PTPRN: variants seen among roughly 807,000 people sequenced by gnomAD.
The protein encoded by PTPRN is protein tyrosine phosphatase receptor type N.
Under a neutral mutation model 108.5 loss-of-function variants are expected in PTPRN, and 70 were observed. The ratio of observed to expected loss-of-function variants is 0.65; its 90% confidence interval spans 0.53 to 0.79. The LOEUF is 0.79. Among genes scored for constraint, PTPRN ranks in the 30% least tolerant of loss-of-function variants. PTPRN has a pLI of 0.00. For missense variants in PTPRN, 1,136 were observed against 1,295.5 expected, an observed-to-expected ratio of 0.88 and a Z score of 1.89; for synonymous variants, 496 against 524.6, an observed-to-expected ratio of 0.95 and a Z score of 0.75.
Position 219,291,557 on chromosome 2 carries a change from C to T in PTPRN, c.2676-34G>A, listed in dbSNP as rs570720251. ...AGAAATGGGTGTGAGGGCCAGTGGG[C>T]ACCAGCAGAGAGGGAAAGGGAAGCT... On this transcript the variant is annotated intron_variant, in intron 19 of 22. Coordinates refer to ENST00000295718, the MANE Select transcript of PTPRN (RefSeq NM_002846.4). 6 of 1,604,280 alleles carry T rather than the reference C, an allele frequency of 3.7e-6. No individual in the cohort carries two copies. In the South Asian group the frequency reaches 5.5e-5, roughly 15 times the overall value.
chr2:219,299,184 A>C (rs996835896), intron 11 of PTPRN, 73 bp from the exon 12 acceptor site: 1 of 1,605,838 alleles, frequency 6.2e-7, no homozygotes, highest in Non-Finnish European at 8.5e-7. Context: ...TCTGCCAAGC[A>C]GCAGGCAGGG....
In PTPRN at chr2:219,307,572, G is replaced by T; in HGVS notation, c.167-15C>A. On this transcript the variant is annotated splice_polypyrimidine_tract_variant and intron_variant, in intron 2 of 22. Transcript: ENST00000295718. The stretch of plus-strand genomic sequence containing the variant: ...AAACAAGCCATCTAAGGGCACAAAA[G>T]TGGTGTCAGCAGGGGGCTTGAATAA... 1 of 1,611,360 alleles carries T rather than the reference G, an allele frequency of 6.2e-7. No individual in the cohort carries two copies. Among genetic ancestry groups the T allele is most frequent in the South Asian group, 1.1e-5 (1 of 90,892 alleles).
chr2:219,295,396 G>GC, intron 18 of PTPRN: 1 of 489,416 alleles, frequency 2.0e-6, no homozygotes, highest in Non-Finnish European at 3.6e-6. Flanking sequence ...CCTCTTCCTC[G>GC]CAGGGTCTAC....
chr2:219,290,306 GGGCAGT>G lies in PTPRN; in HGVS notation c.2869-15_2869-10del, dbSNP rs1952024284. 6.2e-7 allele frequency: 1 copy of G among 1,613,238 alleles called. No individual in the cohort carries two copies. Among genetic ancestry groups the G allele is most frequent in the Non-Finnish European group, 8.5e-7 (1 of 1,179,522 alleles). ...GCAAATTCAAACTGGTCCTGAGGAA[GGGCAGT>G]GGTAGGATGGTCATGGAGAGGGCTG... On this transcript the variant is annotated splice_polypyrimidine_tract_variant and intron_variant, in intron 22 of 22. Coordinates refer to ENST00000295718, the MANE Select transcript of PTPRN (RefSeq NM_002846.4). The surrounding 1 kb of genome is among the most constrained non-coding windows in gnomAD (Gnocchi z 4.2).
At chr2:219,308,533 G>A (rs917080420) in intron 1 of PTPRN, among the ~76,000 whole-genome samples, 5 of 152,144 alleles carry the variant, frequency 3.3e-5, no homozygotes, top group African/African-American at 1.2e-4. Flanking sequence ...GCGAGGCTGC[G>A]CCCCTTCCCC....
intron 12 of PTPRN, among the ~76,000 whole-genome samples, chr2:219,298,474 G>A (rs780046379): frequency 6.6e-6 from 1 of 152,144 alleles, no homozygotes; most frequent in Non-Finnish European, 1.5e-5. Flanking sequence ...GGGGCCAAAG[G>A]TTGGCGGATC....
At position 219,291,455 on chromosome 2, in the gene PTPRN, C is replaced by G; in HGVS notation, c.2729+15G>C. 2 of 1,613,012 alleles carry G rather than the reference C, an allele frequency of 1.2e-6. No individual in the cohort carries two copies. Among genetic ancestry groups the G allele is most frequent in the Non-Finnish European group, 1.7e-6 (2 of 1,179,024 alleles). ...AGGGAGTGGGACCAGAGAGATGAAT[C>G]TCCTCTCCACCCACCTGCAGTGCAC... On this transcript the variant is annotated intron_variant, in intron 20 of 22. Coordinates refer to ENST00000295718, the MANE Select transcript of PTPRN (RefSeq NM_002846.4).
At position 219,302,758 on chromosome 2, in the gene PTPRN, C is replaced by A; in HGVS notation, c.457G>T (p.Ala153Ser). 6 of 1,613,712 alleles carry A rather than the reference C, an allele frequency of 3.7e-6. No individual in the cohort carries two copies. Among genetic ancestry groups the A allele is most frequent in the Admixed American group, 1.7e-5 (1 of 59,912 alleles). The change falls in exon 5 of 23, where the codon GCC becomes TCC. Residue 153 changes from alanine (A) to serine (S), a missense_variant. Transcript: ENST00000295718. ...GGTGGTTGTGGAAGCCGATGCTGGGCAGCAGGGGCGGAGCCAGTGGGGATG... is the reference window on the plus strand; with the variant it reads ...GGTGGTTGTGGAAGCCGATGCTGGGAAGCAGGGGCGGAGCCAGTGGGGATG... ...QDIPTGSAPA[A>S]QHRLPQPPVG...
chr2:219,307,679 C>T (rs1559306688), intron 2 of PTPRN, 113 bp downstream of exon 2: 10 of 1,481,562 alleles, frequency 6.7e-6, no homozygotes, highest in Non-Finnish European at 9.4e-6. Flanking sequence ...GGCAAGTCTT[C>T]CTTCTTCTCA....
chr2:219,304,370 T>G (rs1280509143), intron 3 of PTPRN, among the ~76,000 whole-genome samples: 1 of 152,146 alleles, frequency 6.6e-6, no homozygotes, highest in Non-Finnish European at 1.5e-5. Flanking sequence ...TAGAAAACTC[T>G]AAAGCATAAT....
rs201131601 is a variant in PTPRN at position 219,302,767 on chromosome 2, C to T, written c.448G>A (p.Ala150Thr). ...GGAAGCCGATGCTGGGCAGCAGGGG[C>T]GGAGCCAGTGGGGATGTCCTGTAAA... ...LLLQDIPTGS[A>T]PAAQHRLPQP... Residue 150 changes from alanine to threonine, a missense_variant, in exon 5 of 23, where the codon GCC (alanine) becomes ACC (threonine). Ala to Thr is a moderately conservative substitution (Grantham distance 58). Transcript: ENST00000295718. 3.3e-5 allele frequency: 53 copies of T among 1,613,720 alleles called. No homozygotes were observed. The highest frequency in any genetic ancestry group is 1.2e-4 in the Admixed American group (7 of 59,916).
chr2:219,299,584 A>G, intron 10 of PTPRN, 116 bp downstream of exon 10: 1 of 1,192,192 alleles, frequency 8.4e-7, no homozygotes, highest in Non-Finnish European at 1.2e-6. Flanking sequence ...TACAGCTGGG[A>G]GCATCCCTGA....
intron 19 of PTPRN, chr2:219,292,735 A>G (rs1172806698): frequency 6.6e-6 from 1 of 152,154 alleles, no homozygotes; most frequent in African/African-American, 2.4e-5. Flanking sequence ...TGGGCCATGG[A>G]CCAGTGTCAG....
intron 3 of PTPRN, among the ~76,000 whole-genome samples, chr2:219,305,751 C>T (rs936958756): frequency 6.6e-6 from 1 of 152,184 alleles, no homozygotes; most frequent in East Asian, 1.9e-4. Flanking sequence ...ACATCTTAAA[C>T]TCAACATATT....
rs1388282584 is a variant in PTPRN, at chr2:219,290,777, C to G, written c.2794+49G>C. 6 of 1,582,148 alleles carry G rather than the reference C, an allele frequency of 3.8e-6. No homozygotes were observed. The highest frequency in any genetic ancestry group is 1.1e-5 in the South Asian group (1 of 90,330). The stretch of plus-strand genomic sequence containing the variant: ...TCCCAGGACCCTGTGTGCTGGGGAG[C>G]CTCTAAAAAGGGCCTGGGGGCTGCG... On this transcript the variant is annotated intron_variant, in intron 21 of 22. Transcript: ENST00000295718. This position sits in a 1 kb window ranked among gnomAD's most constrained non-coding sequence, Gnocchi z 4.2.
At chr2:219,294,521 G>A (rs1952130058) in intron 19 of PTPRN, among the ~76,000 whole-genome samples, 1 of 151,968 alleles carries the variant, frequency 6.6e-6, no homozygotes, top group Non-Finnish European at 1.5e-5. Context: ...GAGGGACGGA[G>A]AGGGATGAAG....
At position 219,295,027 on chromosome 2, in the gene PTPRN, A is replaced by G; in HGVS notation, c.2623T>C (p.Trp875Arg). ...RTLTQFHFLS[W>R]PAEGTPASTR... ...GAGGCCGGTGTGCCCTCTGCCGGCC[A>G]GCTGAGGAAGTGGAACTGCGTGAGC... The change falls in exon 19 of 23, where the codon TGG becomes CGG. Residue 875 changes from tryptophan (W) to arginine (R), a missense_variant. Coordinates refer to ENST00000295718, the MANE Select transcript of PTPRN (RefSeq NM_002846.4). The G allele has an allele frequency of 6.2e-7, 1 of 1,611,934 alleles. No homozygotes were observed. The highest frequency in any genetic ancestry group is 8.5e-7 in the Non-Finnish European group (1 of 1,179,032).
chr2:219,305,417 A>AT (rs1208217724), intron 3 of PTPRN, among the ~76,000 whole-genome samples: 5 of 151,674 alleles, frequency 3.3e-5, no homozygotes, highest in Admixed American at 3.3e-4. Context: ...TAATTTTTGT[A>AT]TTTTTTGTAG....
Position 219,290,782 on chromosome 2 carries a change from A to G in PTPRN, c.2794+44T>C. On this transcript the variant is annotated intron_variant, in intron 21 of 22. Coordinates refer to ENST00000295718, the MANE Select transcript of PTPRN (RefSeq NM_002846.4). The surrounding 1 kb of genome is among the most constrained non-coding windows in gnomAD (Gnocchi z 4.2). ...GGACCCTGTGTGCTGGGGAGCCTCTAAAAAGGGCCTGGGGGCTGCGGGCAC... is the reference window on the plus strand; with the variant it reads ...GGACCCTGTGTGCTGGGGAGCCTCTGAAAAGGGCCTGGGGGCTGCGGGCAC... 1.3e-6 allele frequency: 2 copies of G among 1,595,598 alleles called. No individual in the cohort carries two copies. Among genetic ancestry groups the G allele is most frequent in the Non-Finnish European group, 1.7e-6 (2 of 1,163,358 alleles).
Sources: allele counts gnomAD v4.1 joint callset (sites outside exome capture counted in the v4.1 genomes callset), GRCh38; gene constraint gnomAD v4.1.1; non-coding constraint Gnocchi (gnomAD v3.1); transcripts MANE v1.5; gene names NCBI Gene and HGNC (gene_info 2026-07-23, HGNC 2026-07-21).